The following PDE8B variants were observed in gnomAD, a reference collection of about 807,000 sequenced individuals.
The protein encoded by PDE8B is high affinity cAMP-specific and IBMX-insensitive 3',5'-cyclic phosphodiesterase 8B.
In PDE8B, 26 loss-of-function variants were observed where a neutral mutation model predicts 101.3. The ratio of observed to expected loss-of-function variants is 0.26; its 90% CI spans 0.19 to 0.36. PDE8B has a LOEUF of 0.36. PDE8B is among the 10% of genes least tolerant of loss of function. The pLI is 1.00. For synonymous variants in PDE8B, 424 were observed against 429.3 expected (o/e 0.99, Z 0.15); for missense variants, 810 against 1,163.1 (o/e 0.70, Z 4.42).
chr5:77,090,477 G>T, the PDE8B span, among the ~76,000 whole-genome samples: 589 of 152,272 alleles, frequency 3.9e-3, 3 homozygotes, highest in African/African-American at 0.013. Context: ...GTTTCACTGT[G>T]TTAGCCAGTA....
In PDE8B at chr5:77,353,331, ATTAT is replaced by A; in HGVS notation, c.1107-12_1107-9del. The A allele has an allele frequency of 7.0e-7, 1 of 1,436,854 alleles. No homozygotes were observed. Among genetic ancestry groups the A allele is most frequent in the East Asian group, 2.3e-5 (1 of 44,036 alleles). 89.0% of individuals were successfully genotyped at this position (1,436,854 alleles called of 1,614,324 possible). On this transcript the variant is annotated splice_polypyrimidine_tract_variant and intron_variant, in intron 9 of 21. Transcript: ENST00000264917. ...CTCATATCTGACTCACTAATAACTG[ATTAT>A]TTGTTATTAGGAAAATTAGGCATTT...
At chr5:77,218,993 A>G (rs184541777) in intron 1 of PDE8B, among the ~76,000 whole-genome samples, 7 of 152,202 alleles carry the variant, frequency 4.6e-5, no homozygotes, top group Non-Finnish European at 7.3e-5. Flanking sequence ...TGCCACAGAC[A>G]TGGGTTTTGT....
chr5:77,408,572 A>G (rs778144053), intron 13 of PDE8B, among the ~76,000 whole-genome samples: 12 of 152,158 alleles, frequency 7.9e-5, no homozygotes, highest in Non-Finnish European at 1.2e-4. Context: ...CGTGGAGACA[A>G]AATATCATTT....
the PDE8B span, among the ~76,000 whole-genome samples, chr5:77,101,428 G>T: frequency 6.6e-6 from 1 of 152,134 alleles, no homozygotes; most frequent in Non-Finnish European, 1.5e-5. Flanking sequence ...GCACTACTCA[G>T]GATGATCCAG....
the PDE8B span, among the ~76,000 whole-genome samples, chr5:77,099,642 T>C: frequency 2.0e-5 from 3 of 151,866 alleles, no homozygotes; most frequent in Non-Finnish European, 2.9e-5. Flanking sequence ...GACGGAGTCT[T>C]ACTCTGTCAC....
At chr5:77,422,095 AC>A in intron 20 of PDE8B, 107 bp downstream of exon 20, 1 of 1,193,736 alleles carries the variant, frequency 8.4e-7, no homozygotes, top group African/African-American at 1.5e-5. Flanking sequence ...CAATTAGTTA[AC>A]CACTCCTCCC....
intron 6 of PDE8B, among the ~76,000 whole-genome samples, chr5:77,343,615 G>A (rs757413884): frequency 1.3e-4 from 20 of 152,004 alleles, no homozygotes; most frequent in Non-Finnish European, 2.6e-4. Context: ...GAAGGCCCAG[G>A]GCATTATGTG....
rs1580325898 is a variant in PDE8B at position 77,210,698 on chromosome 5, G to A, written c.-228G>A. 2.0e-6 allele frequency: 2 copies of A among 980,826 alleles called. No homozygotes were observed. The highest frequency in any genetic ancestry group is 1.2e-6 in the Non-Finnish European group (1 of 827,878). 60.8% of individuals were successfully genotyped at this position (980,826 alleles called of 1,614,324 possible). A position where few individuals can be genotyped will look rare whatever the true frequency, so the allele number is the denominator to read the frequency against. Reference sequence around the variant, plus strand: ...GGGCGCTGTGTATGCGCGCTCCCCCGCTCGGGGAGGAAGATGGCCCAAAAG... The same window carrying A: ...GGGCGCTGTGTATGCGCGCTCCCCCACTCGGGGAGGAAGATGGCCCAAAAG... On this transcript the variant is annotated 5_prime_UTR_variant, in exon 1 of 22. Coordinates refer to ENST00000264917, the MANE Select transcript of PDE8B (RefSeq NM_003719.5). This position sits in a 1 kb window ranked among gnomAD's most constrained non-coding sequence, Gnocchi z 4.9.
intron 5 of PDE8B, among the ~76,000 whole-genome samples, chr5:77,333,880 G>T (rs1052823975): frequency 3.3e-5 from 5 of 152,220 alleles, no homozygotes; most frequent in Non-Finnish European, 7.3e-5. Context: ...ATAAAGCTTT[G>T]GGGGAGGGGC....
At chr5:77,419,680 T>G in intron 18 of PDE8B, 87 bp from the exon 19 acceptor site, 1 of 1,466,960 alleles carries the variant, frequency 6.8e-7, no homozygotes, top group Non-Finnish European at 9.5e-7. Context: ...TCCTCCTAGG[T>G]TGTGAGGAGT....
the PDE8B span, among the ~76,000 whole-genome samples, chr5:77,162,450 C>T: frequency 8.6e-5 from 13 of 151,886 alleles, 1 homozygote; most frequent in African/African-American, 3.1e-4. Context: ...GTAAAAAGCA[C>T]CTAGAATTGC....
chr5:77,258,790 C>T (rs1286115493), intron 1 of PDE8B, among the ~76,000 whole-genome samples: 1 of 152,120 alleles, frequency 6.6e-6, no homozygotes, highest in African/African-American at 2.4e-5. Context: ...TCCTTCAGCT[C>T]AGCACTGCCC....
the PDE8B span, among the ~76,000 whole-genome samples, chr5:77,091,954 A>G: frequency 1.3e-5 from 2 of 152,214 alleles, no homozygotes; most frequent in Non-Finnish European, 2.9e-5. Flanking sequence ...CCTGCCCTCA[A>G]GAGGATTACA....
At chr5:77,276,069 A>G (rs1336099575) in intron 1 of PDE8B, among the ~76,000 whole-genome samples, 2 of 152,232 alleles carry the variant, frequency 1.3e-5, no homozygotes, top group Non-Finnish European at 2.9e-5. Context: ...GATTGTCTCA[A>G]ACCTCTATGT....
the PDE8B span, among the ~76,000 whole-genome samples, chr5:77,096,279 G>A: frequency 1.1e-4 from 17 of 152,128 alleles, no homozygotes; most frequent in African/African-American, 7.2e-5. Context: ...ATGAGCCACC[G>A]CGCTGAGCAT....
chr5:77,242,754 C>T (rs1037719366), intron 1 of PDE8B, among the ~76,000 whole-genome samples: 1 of 152,148 alleles, frequency 6.6e-6, no homozygotes, highest in Admixed American at 6.5e-5. Flanking sequence ...TCACTGAAAG[C>T]TCCATCTCCC....
intron 10 of PDE8B, among the ~76,000 whole-genome samples, chr5:77,396,307 A>T (rs763626851): frequency 6.6e-6 from 1 of 152,172 alleles, no homozygotes; most frequent in African/African-American, 2.4e-5. Context: ...CCCTTTGTAG[A>T]TAGCTTTGAG....
At chr5:77,097,707 C>CTATATATATATATCTATCTATCTATATA in the PDE8B span, among the ~76,000 whole-genome samples, 1 of 20,932 alleles carries the variant, frequency 4.8e-5, no homozygotes, top group Non-Finnish European at 1.1e-4. Context: ...ATATATATAT[C>CTATATATATATATCTATCTATCTATATA]TATATATATA....
chr5:77,116,853 T>C, the PDE8B span, among the ~76,000 whole-genome samples: 2 of 152,186 alleles, frequency 1.3e-5, no homozygotes, highest in African/African-American at 4.8e-5. Flanking sequence ...AACTCTTCTC[T>C]AGGTAACATA....
Sources: allele counts gnomAD v4.1 joint callset (sites outside exome capture counted in the v4.1 genomes callset), GRCh38; gene constraint gnomAD v4.1.1; non-coding constraint Gnocchi (gnomAD v3.1); transcripts MANE v1.5; gene names NCBI Gene and HGNC (gene_info 2026-07-23, HGNC 2026-07-21).